Variants in USP28 observed in about 807,000 individuals in gnomAD.
The protein encoded by USP28 is ubiquitin carboxyl-terminal hydrolase 28.
In USP28, 113 loss-of-function variants were observed where a neutral mutation model predicts 145.0. The observed-to-expected ratio is 0.78, with a 90% CI of 0.67 to 0.91. USP28 has a LOEUF of 0.91. Among genes scored for constraint, USP28 ranks in the 40% least tolerant of loss-of-function variants. The pLI is 0.00. For missense variants in USP28, 1,201 were observed against 1,289.6 expected (o/e 0.93, Z 1.05); for synonymous variants, 447 against 450.9 (o/e 0.99, Z 0.11).
chr11:113,869,911 C>T (rs966700602), intron 1 of USP28, among the ~76,000 whole-genome samples: 1 of 152,246 alleles, frequency 6.6e-6, no homozygotes, highest in East Asian at 1.9e-4. Flanking sequence ...GCCTGTAATC[C>T]CAGCACTTTG....
intron 1 of USP28, among the ~76,000 whole-genome samples, chr11:113,870,116 C>T (rs750353010): frequency 6.6e-6 from 1 of 152,072 alleles, no homozygotes; most frequent in Non-Finnish European, 1.5e-5. Flanking sequence ...GAGCCAAGAT[C>T]GTGCCAATGC....
intron 11 of USP28, among the ~76,000 whole-genome samples, chr11:113,825,909 G>C (rs993789339): frequency 6.6e-6 from 1 of 152,190 alleles, no homozygotes; most frequent in African/African-American, 2.4e-5. Context: ...TATTGACTGT[G>C]ATGGTAGTTT....
chr11:113,823,512 T>C, intron 12 of USP28, 93 bp downstream of exon 12: 2 of 986,018 alleles, frequency 2.0e-6, no homozygotes, highest in East Asian at 2.6e-5. Flanking sequence ...TTCTAGTTAA[T>C]ATTTAAACGT....
chr11:113,851,366 G>A (rs557942964), intron 3 of USP28, among the ~76,000 whole-genome samples: 2 of 152,244 alleles, frequency 1.3e-5, no homozygotes, highest in South Asian at 4.1e-4. Context: ...CTCTTTCCAT[G>A]GCCCCATCCC....
At chr11:113,851,026 A>G (rs1388178378) in intron 3 of USP28, among the ~76,000 whole-genome samples, 1 of 152,152 alleles carries the variant, frequency 6.6e-6, no homozygotes, top group Non-Finnish European at 1.5e-5. Flanking sequence ...GCTTAGGAAA[A>G]AAATTTTTGA....
chr11:113,812,356 C>T (rs142728209), exon 16 of USP28: 2 of 1,614,006 alleles, frequency 1.2e-6, no homozygotes, highest in Non-Finnish European at 1.7e-6. Flanking sequence ...ATAGGAATCT[C>T]TTTCAACTTC....
intron 1 of USP28, 119 bp downstream of exon 1, chr11:113,875,326 C>G (rs960204821): frequency 3.5e-6 from 3 of 852,376 alleles, no homozygotes; most frequent in African/African-American, 3.6e-5. Flanking sequence ...GGCGCACCCC[C>G]TGTCCCGCCC....
intron 12 of USP28, among the ~76,000 whole-genome samples, chr11:113,818,665 G>T (rs1020307725): frequency 2.0e-5 from 3 of 152,042 alleles, no homozygotes; most frequent in Non-Finnish European, 2.9e-5. Flanking sequence ...TTCAAGACCA[G>T]CCTAGGCAAC....
Position 113,823,665 on chromosome 11 carries a change from T to C in USP28, c.1223A>G (p.Lys408Arg), listed in dbSNP as rs746418240. Reference sequence around the variant, plus strand: ...CTTCAACTTTCGAATACACTCTCTCTTATTTCGAATAAGCTCCTTGCTCCT... The same window carrying C: ...CTTCAACTTTCGAATACACTCTCTCCTATTTCGAATAAGCTCCTTGCTCCT... The change falls in exon 12 of 25, where the codon AAG becomes AGG. Residue 408 changes from lysine (K) to arginine (R), a missense_variant. Coordinates refer to ENST00000003302, the Ensembl canonical transcript of USP28. 1 of 1,612,312 alleles carries C rather than the reference T, an allele frequency of 6.2e-7. No homozygotes were observed. Among genetic ancestry groups the C allele is most frequent in the African/African-American group, 1.3e-5 (1 of 75,026 alleles).
intron 3 of USP28, among the ~76,000 whole-genome samples, chr11:113,842,271 TAA>T (rs561523485): frequency 4.1e-5 from 6 of 145,014 alleles, no homozygotes; most frequent in African/African-American, 1.5e-4. Flanking sequence ...CCCAATAATA[TAA>T]AAAAAAAAAA....
intron 5 of USP28, among the ~76,000 whole-genome samples, chr11:113,836,825 T>A (rs190860899): frequency 6.6e-6 from 1 of 152,156 alleles, no homozygotes; most frequent in African/African-American, 2.4e-5. Flanking sequence ...TTTCAGTAAC[T>A]CCCTGTCCAC....
chr11:113,830,011 T>C (rs1422311908), intron 9 of USP28, among the ~76,000 whole-genome samples: 1 of 152,056 alleles, frequency 6.6e-6, no homozygotes, highest in Non-Finnish European at 1.5e-5. Flanking sequence ...TGTTAAAATA[T>C]GTTAAATATG....
intron 5 of USP28, among the ~76,000 whole-genome samples, chr11:113,836,354 C>G (rs1341149760): frequency 6.6e-6 from 1 of 152,150 alleles, no homozygotes; most frequent in Non-Finnish European, 1.5e-5. Context: ...ATCAGCACCC[C>G]ATCAGCTGCT....
At chr11:113,865,481 G>A (rs1948161259) in intron 1 of USP28, among the ~76,000 whole-genome samples, 1 of 152,196 alleles carries the variant, frequency 6.6e-6, no homozygotes, top group South Asian at 2.1e-4. Flanking sequence ...TAACAGTGTA[G>A]TACTGGCATA....
exon 20 of USP28, chr11:113,804,971 G>T (rs1352151600): frequency 6.2e-7 from 1 of 1,614,156 alleles, no homozygotes; most frequent in East Asian, 2.2e-5. Context: ...AGGACATGCT[G>T]AAGTCGAGGA....
intron 22 of USP28, 99 bp downstream of exon 23, chr11:113,803,699 G>A: frequency 2.2e-6 from 2 of 924,362 alleles, no homozygotes; most frequent in African/African-American, 1.6e-5. Context: ...TGTGACAAGG[G>A]AGGTTATGCA....
Position 113,852,480 on chromosome 11 carries a change from G to C in USP28, c.268+21C>G, listed in dbSNP as rs530374729. On this transcript the variant is annotated intron_variant, in intron 3 of 24. Transcript: ENST00000003302. ...TTCTGCTAGTTCAGCAAAGGACCAAGACAGGATATATGGTACCTACTTGCT... is the reference window on the plus strand; with the variant it reads ...TTCTGCTAGTTCAGCAAAGGACCAACACAGGATATATGGTACCTACTTGCT... 6.5e-5 allele frequency: 104 copies of C among 1,612,366 alleles called. No homozygotes were observed. The South Asian group carries it at 1.0e-3, about 16-fold the overall frequency.
chr11:113,827,171 G>A, intron 11 of USP28, 62 bp downstream of exon 11: 1 of 1,550,402 alleles, frequency 6.4e-7, no homozygotes, highest in South Asian at 1.2e-5. Flanking sequence ...ACTATACTTA[G>A]TACGTGCTCA....
intron 22 of USP28, 98 bp from the exon 24 acceptor site, chr11:113,803,379 CA>C: frequency 7.3e-7 from 1 of 1,367,114 alleles, no homozygotes; most frequent in Non-Finnish European, 9.8e-7. Flanking sequence ...TACTTGGCTG[CA>C]ATTCTGAAAA....
Sources: allele counts gnomAD v4.1 joint callset (sites outside exome capture counted in the v4.1 genomes callset), GRCh38; gene constraint gnomAD v4.1.1; transcripts MANE v1.5; gene names NCBI Gene and HGNC (gene_info 2026-07-23, HGNC 2026-07-21).